The following CYB5R4 variants were observed in gnomAD, a reference collection of about 807,000 sequenced individuals.
CYB5R4 encodes the protein cytochrome b5 reductase 4.
Under a neutral mutation model 70.2 loss-of-function variants are expected in CYB5R4, and 55 were observed. The observed-to-expected ratio is 0.78, with a 90% CI of 0.63 to 0.98. The LOEUF (loss-of-function observed/expected upper bound fraction) is 0.98, where lower values mean the gene tolerates loss of function less well. Ranked by LOEUF, CYB5R4 falls within the 50% of genes least tolerant of loss-of-function variation. CYB5R4 has a pLI of 0.00. For synonymous variants in CYB5R4, 197 were observed against 199.5 expected (o/e 0.99, Z 0.11); for missense variants, 562 against 612.6 (o/e 0.92, Z 0.87).
intron 15 of CYB5R4, among the ~76,000 whole-genome samples, chr6:83,958,001 T>C (rs1163203255): frequency 6.6e-6 from 1 of 152,176 alleles, no homozygotes; most frequent in Non-Finnish European, 1.5e-5. Flanking sequence ...GTCTTTCTTG[T>C]GATTGTGATG....
intron 6 of CYB5R4, 139 bp from the exon 7 acceptor site, chr6:83,919,258 C>G: frequency 4.0e-6 from 2 of 495,422 alleles, no homozygotes; most frequent in Non-Finnish European, 7.2e-6. Flanking sequence ...CATGGTAAGA[C>G]CAGTTTATTT....
chr6:83,942,776 G>A (rs1426415193), intron 14 of CYB5R4, among the ~76,000 whole-genome samples: 1 of 152,118 alleles, frequency 6.6e-6, no homozygotes, highest in Admixed American at 6.5e-5. Flanking sequence ...AGCCTGGTGG[G>A]GGGAGGGGCG....
At chr6:83,930,077 T>C (rs995742019) in intron 10 of CYB5R4, among the ~76,000 whole-genome samples, 12 of 152,322 alleles carry the variant, frequency 7.9e-5, no homozygotes, top group Admixed American at 4.6e-4. Context: ...AAACAACTTA[T>C]ACATTTTAAT....
intron 2 of CYB5R4, among the ~76,000 whole-genome samples, chr6:83,883,266 T>C (rs539901749): frequency 9.8e-4 from 149 of 152,204 alleles, no homozygotes; most frequent in African/African-American, 3.3e-3. Flanking sequence ...AAATGTGTCA[T>C]TGGAATTCTA....
intron 3 of CYB5R4, among the ~76,000 whole-genome samples, chr6:83,908,587 C>T (rs2099464180): frequency 6.6e-6 from 1 of 152,108 alleles, no homozygotes; most frequent in African/African-American, 2.4e-5. Context: ...TGCTCCCTCC[C>T]CTGTCCATGG....
chr6:83,888,495 A>G (rs1175282567), intron 2 of CYB5R4, among the ~76,000 whole-genome samples: 1 of 152,064 alleles, frequency 6.6e-6, no homozygotes, highest in Non-Finnish European at 1.5e-5. Context: ...TCTTATGATG[A>G]TCTGTGATCT....
chr6:83,934,470 A>G, intron 10 of CYB5R4, 125 bp from the exon 11 acceptor site: 1 of 611,312 alleles, frequency 1.6e-6, no homozygotes, highest in East Asian at 2.9e-5. Flanking sequence ...TTTTAAATGT[A>G]TAGGCATTTT....
intron 3 of CYB5R4, among the ~76,000 whole-genome samples, chr6:83,904,379 C>T (rs534067338): frequency 6.6e-6 from 1 of 151,906 alleles, no homozygotes; most frequent in Non-Finnish European, 1.5e-5. Flanking sequence ...ATTTATTTTA[C>T]TGGGGCCTGA....
At chr6:83,901,024 T>C (rs1011559926) in intron 3 of CYB5R4, among the ~76,000 whole-genome samples, 1 of 152,254 alleles carries the variant, frequency 6.6e-6, no homozygotes. Context: ...AGCTAGTTAC[T>C]TTGCTCGTTA....
intron 2 of CYB5R4, among the ~76,000 whole-genome samples, chr6:83,874,175 C>CCTCCCCTCCCCTCCG (rs2099458146): frequency 1.0e-5 from 1 of 98,060 alleles, no homozygotes; most frequent in African/African-American, 4.2e-5. Flanking sequence ...CCTCCCCTCC[C>CCTCCCCTCCCCTCCG]CTCCCCTCCC....
Position 83,876,497 on chromosome 6 carries a change from G to GC in CYB5R4, c.229+12170dup, listed in dbSNP as rs559737913. On this transcript the variant is annotated intron_variant, in intron 2 of 15. Coordinates refer to ENST00000369681, the MANE Select transcript of CYB5R4 (RefSeq NM_016230.4). ...CCACTATTATTTTTTATACTTCTTT[G>GC]CTTTTTTTTTTTTAGCAGCTGCTCT... Among the ~76,000 whole-genome samples the GC allele has an allele frequency of 2.9e-4, 17 of 59,402 alleles. No individual in the cohort carries two copies. In the South Asian group the frequency reaches 0.019, roughly 66 times the overall value. 39.0% of individuals were successfully genotyped at this position (59,402 alleles called of 152,430 possible). A position where few individuals can be genotyped will look rare whatever the true frequency, so the allele number is the denominator to read the frequency against.
intron 11 of CYB5R4, among the ~76,000 whole-genome samples, chr6:83,935,077 C>G (rs921597344): frequency 2.0e-5 from 3 of 152,088 alleles, no homozygotes; most frequent in African/African-American, 7.2e-5. Context: ...ATACTGGTGT[C>G]TCTTAGCAGC....
intron 9 of CYB5R4, 118 bp from the exon 10 acceptor site, chr6:83,924,352 A>C: frequency 1.0e-6 from 1 of 969,134 alleles, no homozygotes; most frequent in African/African-American, 1.6e-5. Flanking sequence ...TATCCCACTA[A>C]TAATCAGTAC....
At chr6:83,905,353 T>A (rs1345951001) in intron 3 of CYB5R4, among the ~76,000 whole-genome samples, 1 of 152,190 alleles carries the variant, frequency 6.6e-6, no homozygotes, top group East Asian at 1.9e-4. Context: ...CTTTTTCAGT[T>A]TTTTTTAAAT....
Position 83,965,402 on chromosome 6 carries a change from G to A in CYB5R4, c.*5524G>A, listed in dbSNP as rs2099473908. The A allele has an allele frequency of 6.6e-6, 1 of 152,202 alleles. No individual in the cohort carries two copies. The highest frequency in any genetic ancestry group is 1.5e-5 in the Non-Finnish European group (1 of 68,056). The allele number at this position is 152,202 out of a possible 1,614,324, so 9.4% of individuals were successfully genotyped here. A position where few individuals can be genotyped will look rare whatever the true frequency, so the allele number is the denominator to read the frequency against. On this transcript the variant is annotated 3_prime_UTR_variant, in exon 16 of 16. Transcript: ENST00000369681. Reference sequence around the variant, plus strand: ...AGATCATTTTGGAGCTTTAAAATTTGACTGCCCCACTGGATTTTGGACTTC... The same window carrying A: ...AGATCATTTTGGAGCTTTAAAATTTAACTGCCCCACTGGATTTTGGACTTC...
At chr6:83,957,991 G>T (rs1011822657) in intron 15 of CYB5R4, among the ~76,000 whole-genome samples, 2 of 152,050 alleles carry the variant, frequency 1.3e-5, no homozygotes, top group African/African-American at 4.8e-5. Context: ...TGAAAAATGA[G>T]TCTTTCTTGT....
intron 2 of CYB5R4, among the ~76,000 whole-genome samples, chr6:83,890,649 A>G (rs1046973259): frequency 2.0e-5 from 3 of 152,194 alleles, no homozygotes; most frequent in Admixed American, 6.5e-5. Flanking sequence ...GTTAGACAAC[A>G]TGGCATGCTA....
At chr6:83,946,541 A>G (rs941121425) in intron 14 of CYB5R4, among the ~76,000 whole-genome samples, 5 of 152,206 alleles carry the variant, frequency 3.3e-5, no homozygotes, top group Non-Finnish European at 5.9e-5. Flanking sequence ...CACCACTCCT[A>G]TTCAACATAG....
At chr6:83,877,670 C>T (rs947719240) in intron 2 of CYB5R4, among the ~76,000 whole-genome samples, 5 of 152,232 alleles carry the variant, frequency 3.3e-5, no homozygotes, top group African/African-American at 4.8e-5. Context: ...AGATCTACCC[C>T]GATGAACCAG....
Sources: gnomAD v4.1 joint callset for allele counts (sites outside exome capture counted in the v4.1 genomes callset) on GRCh38, gnomAD v4.1.1 for gene constraint, MANE v1.5 for transcripts, NCBI Gene and HGNC (gene_info 2026-07-23, HGNC 2026-07-21) for gene names.